SUGCT: variants seen among roughly 807,000 people sequenced by gnomAD.
SUGCT encodes the protein succinyl-CoA:glutarate CoA-transferase.
In SUGCT, 41 loss-of-function variants were observed where a neutral mutation model predicts 55.0. The ratio of observed to expected loss-of-function variants is 0.74; its 90% CI spans 0.58 to 0.97. The LOEUF (loss-of-function observed/expected upper bound fraction) is 0.97. SUGCT is among the 50% of genes least tolerant of loss of function. The pLI is 0.00. For synonymous variants in SUGCT, 187 were observed against 200.4 expected (o/e 0.93, Z 0.56); for missense variants, 568 against 547.8 (o/e 1.04, Z -0.37).
intron 13 of SUGCT, among the ~76,000 whole-genome samples, chr7:40,779,249 T>C (rs1789609767): frequency 6.6e-6 from 1 of 152,212 alleles, no homozygotes; most frequent in Admixed American, 6.5e-5. Flanking sequence ...TTGGGACTTA[T>C]AAATATTTCC....
chr7:40,671,695 G>A (rs1801948088), intron 12 of SUGCT, among the ~76,000 whole-genome samples: 2 of 152,100 alleles, frequency 1.3e-5, no homozygotes, highest in Admixed American at 1.3e-4. Flanking sequence ...ACAAATGCTG[G>A]TGAATCAAAT....
At chr7:40,753,668 A>T (rs932350818) in intron 13 of SUGCT, among the ~76,000 whole-genome samples, 3 of 152,194 alleles carry the variant, frequency 2.0e-5, no homozygotes, top group African/African-American at 7.2e-5. Context: ...TCTCTTAAAA[A>T]CAGCAGTAAA....
intron 9 of SUGCT, among the ~76,000 whole-genome samples, chr7:40,342,943 T>C (rs781747737): frequency 2.6e-5 from 4 of 152,198 alleles, no homozygotes; most frequent in Non-Finnish European, 5.9e-5. Context: ...GCGTCTGGCT[T>C]GTCTCCAATA....
intron 12 of SUGCT, among the ~76,000 whole-genome samples, chr7:40,655,498 C>G (rs1425187584): frequency 6.6e-6 from 1 of 152,138 alleles, no homozygotes; most frequent in Non-Finnish European, 1.5e-5. Flanking sequence ...ATTCTCTCCC[C>G]TACTCTGACA....
At chr7:40,410,078 C>A (rs1786590784) in intron 9 of SUGCT, among the ~76,000 whole-genome samples, 1 of 151,986 alleles carries the variant, frequency 6.6e-6, no homozygotes, top group South Asian at 2.1e-4. Flanking sequence ...ATAATCTAAG[C>A]ATGGTAATTG....
At chr7:40,948,497 G>A in the SUGCT span, among the ~76,000 whole-genome samples, 1 of 152,094 alleles carries the variant, frequency 6.6e-6, no homozygotes, top group Non-Finnish European at 1.5e-5. Flanking sequence ...GAATACAAGT[G>A]CAGAATGTGC....
chr7:40,229,848 C>G (rs1450877047), intron 6 of SUGCT, among the ~76,000 whole-genome samples: 2 of 149,294 alleles, frequency 1.3e-5, no homozygotes, highest in African/African-American at 2.5e-5. Context: ...GGAGTTTATA[C>G]CTCCTATCAT....
intron 12 of SUGCT, among the ~76,000 whole-genome samples, chr7:40,547,366 C>T (rs1417061585): frequency 6.6e-6 from 1 of 152,178 alleles, no homozygotes; most frequent in Non-Finnish European, 1.5e-5. Context: ...GTCTGGGCAC[C>T]CTGTGGCCCT....
chr7:41,010,420 A>G, the SUGCT span, among the ~76,000 whole-genome samples: 1 of 152,234 alleles, frequency 6.6e-6, no homozygotes, highest in Non-Finnish European at 1.5e-5. Context: ...CATTTCTAGG[A>G]GTGAAATCTG....
At chr7:40,514,243 G>T (rs1285840564) in intron 12 of SUGCT, among the ~76,000 whole-genome samples, 1 of 151,902 alleles carries the variant, frequency 6.6e-6, no homozygotes, top group Non-Finnish European at 1.5e-5. Context: ...TCCTGATGTA[G>T]AGTCACCACA....
At chr7:40,438,718 A>G (rs1409024139) in intron 9 of SUGCT, among the ~76,000 whole-genome samples, 6 of 151,936 alleles carry the variant, frequency 3.9e-5, no homozygotes, top group Admixed American at 3.9e-4. Flanking sequence ...TTTACAGCCC[A>G]ATTCGCTGCG....
chr7:40,425,667 G>T (rs961043158), intron 9 of SUGCT, among the ~76,000 whole-genome samples: 4 of 152,132 alleles, frequency 2.6e-5, no homozygotes, highest in Admixed American at 6.5e-5. Context: ...TAGTTGTGGG[G>T]ATCCTTACCT....
At chr7:40,266,038 C>T (rs1584506233) in intron 7 of SUGCT, among the ~76,000 whole-genome samples, 3 of 152,124 alleles carry the variant, frequency 2.0e-5, no homozygotes, top group East Asian at 1.9e-4. Context: ...CTCTAGATTG[C>T]ATAATCAAAA....
At chr7:40,658,318 AT>A (rs1801128366) in intron 12 of SUGCT, among the ~76,000 whole-genome samples, 1 of 152,188 alleles carries the variant, frequency 6.6e-6, no homozygotes, top group Admixed American at 6.5e-5. Context: ...CAACTCTGTT[AT>A]GTTGAACCCC....
rs377349564 is a variant in SUGCT at position 40,201,913 on chromosome 7, T to C, written c.484+6853T>C. 6.1e-4 allele frequency among the ~76,000 whole-genome samples: 93 copies of C among 152,326 alleles called. 2 individuals are homozygous for C. The South Asian group carries it at 0.018, about 29-fold the overall frequency. ...TCTGCAAACCTGCACTGTCCACTTA[T>C]TCTCTTTGCTCATAGATGAAATCCC... On this transcript the variant is annotated intron_variant, in intron 6 of 13. Transcript: ENST00000335693.
chr7:40,304,741 AATAATAATAATAATAATAATC>A (rs1057220870), intron 8 of SUGCT, among the ~76,000 whole-genome samples: 8 of 41,938 alleles, frequency 1.9e-4, no homozygotes, highest in East Asian at 1.3e-3. Flanking sequence ...TAATAATAAT[AATAATAATAATAATAATAATC>A]ATCCAGGTTG....
chr7:40,389,199 T>G (rs919514680), intron 9 of SUGCT, among the ~76,000 whole-genome samples: 4 of 152,294 alleles, frequency 2.6e-5, no homozygotes, highest in South Asian at 2.1e-4. Context: ...ACTGTAATCC[T>G]AGCATTTTGG....
At chr7:40,500,643 A>G (rs891538171) in intron 12 of SUGCT, among the ~76,000 whole-genome samples, 5 of 152,238 alleles carry the variant, frequency 3.3e-5, no homozygotes, top group African/African-American at 1.2e-4. Context: ...TTGATGGCTG[A>G]AAATTGTCTG....
At chr7:40,474,160 A>T (rs1392779290) in intron 11 of SUGCT, among the ~76,000 whole-genome samples, 1 of 152,212 alleles carries the variant, frequency 6.6e-6, no homozygotes, top group Non-Finnish European at 1.5e-5. Context: ...TTACTTAATT[A>T]CTAAATGACA....
Sources: gnomAD v4.1 joint callset for allele counts (sites outside exome capture counted in the v4.1 genomes callset) on GRCh38, gnomAD v4.1.1 for gene constraint, MANE v1.5 for transcripts, NCBI Gene and HGNC (gene_info 2026-07-23, HGNC 2026-07-21) for gene names.